The following RASGRP3 variants were observed in gnomAD, a reference collection of about 807,000 sequenced individuals.
RASGRP3 encodes ras guanyl-releasing protein 3.
Under a neutral mutation model 82.7 loss-of-function variants are expected in RASGRP3, and 54 were observed. The ratio of observed to expected loss-of-function variants is 0.65; its 90% CI spans 0.52 to 0.82. RASGRP3 has a LOEUF of 0.82. RASGRP3 is among the 40% of genes least tolerant of loss of function. RASGRP3 has a pLI of 0.00. For missense variants in RASGRP3, 861 were observed against 828.9 expected, an observed-to-expected ratio of 1.04 and a Z score of -0.48; for synonymous variants, 309 against 300.5, an observed-to-expected ratio of 1.03 and a Z score of -0.29.
At chr2:33,486,565 G>C (rs1407749342) in intron 1 of RASGRP3, among the ~76,000 whole-genome samples, 1 of 152,156 alleles carries the variant, frequency 6.6e-6, no homozygotes, top group Non-Finnish European at 1.5e-5. Flanking sequence ...TAGTTAAATA[G>C]ACCAATATTT....
At chr2:33,503,915 A>G (rs1027434986) in intron 1 of RASGRP3, among the ~76,000 whole-genome samples, 2 of 152,220 alleles carry the variant, frequency 1.3e-5, no homozygotes, top group African/African-American at 4.8e-5. Context: ...TAATAAAAAT[A>G]AAGCAGCATT....
At chr2:33,493,673 G>C (rs952294004) in intron 1 of RASGRP3, among the ~76,000 whole-genome samples, 1 of 151,760 alleles carries the variant, frequency 6.6e-6, no homozygotes, top group African/African-American at 2.4e-5. Flanking sequence ...AGACCTGCTT[G>C]AGATGCCCGG....
intron 1 of RASGRP3, among the ~76,000 whole-genome samples, chr2:33,478,699 A>G (rs1299401315): frequency 1.3e-5 from 2 of 152,246 alleles, no homozygotes; most frequent in Non-Finnish European, 2.9e-5. Flanking sequence ...TAGGAATGAT[A>G]GAATGTGCGA....
chr2:33,494,489 G>A (rs376327905), intron 1 of RASGRP3, among the ~76,000 whole-genome samples: 38 of 152,304 alleles, frequency 2.5e-4, no homozygotes, highest in African/African-American at 8.9e-4. Context: ...ATCCCAAAGG[G>A]TCTACCGTGA....
chr2:33,456,104 G>C (rs1666022861), intron 2 of RASGRP3, among the ~76,000 whole-genome samples: 2 of 151,906 alleles, frequency 1.3e-5, no homozygotes. Flanking sequence ...GTTATTTTTG[G>C]TATAAAGAAT....
Position 33,478,918 on chromosome 2 carries a change from T to A in RASGRP3, c.-261+2211T>A, listed in dbSNP as rs143832987. Among the ~76,000 whole-genome samples, 947 of 152,298 alleles carry A rather than the reference T, an allele frequency of 6.2e-3. 12 individuals carry two copies. The highest frequency in any genetic ancestry group is 0.022 in the African/African-American group (900 of 41,564). On this transcript the variant is annotated intron_variant, in intron 1 of 17. Transcript: ENST00000403687. ...CCTCACAATAACTCTATGTGTTACATATTATTATTCCAGTTCTATAGATAG... is the reference window on the plus strand; with the variant it reads ...CCTCACAATAACTCTATGTGTTACAAATTATTATTCCAGTTCTATAGATAG...
chr2:33,498,467 A>T (rs1669538194), intron 1 of RASGRP3, among the ~76,000 whole-genome samples: 1 of 152,238 alleles, frequency 6.6e-6, no homozygotes, highest in African/African-American at 2.4e-5. Context: ...AAGGCCAGCA[A>T]GGAAGGACTG....
intron 1 of RASGRP3, among the ~76,000 whole-genome samples, chr2:33,495,483 C>T (rs1181979479): frequency 6.6e-6 from 1 of 152,072 alleles, no homozygotes; most frequent in Non-Finnish European, 1.5e-5. Flanking sequence ...TCCTGCCGGG[C>T]AGCTTGGTTC....
rs1422508854 is a variant in RASGRP3 at position 33,516,675 on chromosome 2, A to G, written c.173+31A>G. 5.1e-6 allele frequency: 7 copies of G among 1,377,202 alleles called. 1 individual carries two copies. Among genetic ancestry groups the G allele is most frequent in the Non-Finnish European group, 7.1e-6 (7 of 987,728 alleles). The allele number at this position is 1,377,202 out of a possible 1,614,324, so 85.3% of individuals were successfully genotyped here. On this transcript the variant is annotated intron_variant, in intron 4 of 17. Coordinates refer to ENST00000403687, the MANE Select transcript of RASGRP3 (RefSeq NM_001139488.2). ...TTTTCAACTACTGTGTAATTTTTAC[A>G]ATCATAAATCAAGCTCTGTATTTAG...
intron 1 of RASGRP3, among the ~76,000 whole-genome samples, chr2:33,510,823 A>AT (rs1039511090): frequency 1.4e-4 from 21 of 152,080 alleles, no homozygotes; most frequent in Admixed American, 2.0e-4. Flanking sequence ...TTGAAACCCG[A>AT]TTTTTTTTAA....
chr2:33,466,204 A>G (rs1261847895), intron 2 of RASGRP3, among the ~76,000 whole-genome samples: 1 of 152,236 alleles, frequency 6.6e-6, no homozygotes, highest in Non-Finnish European at 1.5e-5. Flanking sequence ...CATCTGATGG[A>G]TGTGACCAGA....
intron 1 of RASGRP3, among the ~76,000 whole-genome samples, chr2:33,491,869 A>G (rs1376025507): frequency 6.6e-6 from 1 of 152,236 alleles, no homozygotes; most frequent in Non-Finnish European, 1.5e-5. Context: ...GGCTTAGGCT[A>G]GGGCACAATG....
chr2:33,550,938 C>T (rs917833521), intron 14 of RASGRP3, among the ~76,000 whole-genome samples: 2 of 152,212 alleles, frequency 1.3e-5, no homozygotes, highest in African/African-American at 4.8e-5. Flanking sequence ...GTCTAACTAG[C>T]TCTCTTTATT....
chr2:33,559,981 T>C (rs1676466775), intron 17 of RASGRP3, among the ~76,000 whole-genome samples: 1 of 152,246 alleles, frequency 6.6e-6, no homozygotes, highest in Non-Finnish European at 1.5e-5. Context: ...CCATTATCTC[T>C]GGTCATACAA....
intron 12 of RASGRP3, among the ~76,000 whole-genome samples, chr2:33,542,222 TTATC>T (rs1674342513): frequency 6.8e-6 from 1 of 147,610 alleles, no homozygotes; most frequent in African/African-American, 2.4e-5. Flanking sequence ...AATCCATAAT[TTATC>T]TGTGGATTTT....
chr2:33,477,896 A>G (rs1482342034), intron 1 of RASGRP3, among the ~76,000 whole-genome samples: 3 of 152,152 alleles, frequency 2.0e-5, no homozygotes, highest in Non-Finnish European at 4.4e-5. Flanking sequence ...CTCACCAAAT[A>G]GTTGTTTTGC....
At chr2:33,500,762 C>T (rs2150979336) in intron 1 of RASGRP3, among the ~76,000 whole-genome samples, 1 of 152,178 alleles carries the variant, frequency 6.6e-6, no homozygotes, top group Middle Eastern at 3.4e-3. Flanking sequence ...GGTGAAACCC[C>T]ATCTCTAATA....
chr2:33,518,155 A>G (rs1241534946), intron 4 of RASGRP3, among the ~76,000 whole-genome samples: 2 of 152,194 alleles, frequency 1.3e-5, no homozygotes, highest in Non-Finnish European at 2.9e-5. Context: ...TGATTGTGCA[A>G]ACATCATAGA....
chr2:33,473,173 T>C (rs1461704801), upstream of RASGRP3, among the ~76,000 whole-genome samples: 3 of 152,182 alleles, frequency 2.0e-5, no homozygotes, highest in Non-Finnish European at 2.9e-5. Context: ...CCATCCTGGC[T>C]AACATGGTGA....
Sources: allele counts gnomAD v4.1 joint callset (sites outside exome capture counted in the v4.1 genomes callset), GRCh38; gene constraint gnomAD v4.1.1; transcripts MANE v1.5; gene names NCBI Gene and HGNC (gene_info 2026-07-23, HGNC 2026-07-21).